The following KALRN variants were observed in gnomAD, a reference collection of about 807,000 sequenced individuals.
KALRN encodes kalirin RhoGEF kinase, also known as kalirin.
Under a neutral mutation model 353.7 loss-of-function variants are expected in KALRN, and 70 were observed. The ratio of observed to expected loss-of-function variants is 0.20; its 90% CI spans 0.16 to 0.24. The LOEUF is 0.24. Ranked by LOEUF, KALRN falls within the 10% of genes least tolerant of loss-of-function variation. KALRN has a pLI of 1.00. For missense variants in KALRN, 2,791 were observed against 3,756.7 expected (o/e 0.74, Z 6.72); for synonymous variants, 1,391 against 1,434.8 (o/e 0.97, Z 0.69).
At chr3:124,094,940 G>A (rs1424059021) in intron 1 of KALRN, 1 of 1,583,130 alleles carries the variant, frequency 6.3e-7, no homozygotes, top group South Asian at 1.1e-5. Context: ...ATGAGAGACT[G>A]AGAGAGATAA....
At chr3:124,409,976 G>A (rs1234880961) in intron 13 of KALRN, among the ~76,000 whole-genome samples, 1 of 152,100 alleles carries the variant, frequency 6.6e-6, no homozygotes, top group Non-Finnish European at 1.5e-5. Flanking sequence ...AGGAGGCCCT[G>A]GAAATTCCCA....
chr3:124,125,083 A>AC (rs1355515271), intron 1 of KALRN, among the ~76,000 whole-genome samples: 1 of 152,228 alleles, frequency 6.6e-6, no homozygotes, highest in Admixed American at 6.5e-5. Flanking sequence ...CTAGTTCAGA[A>AC]CCTGGAGTAT....
intron 33 of KALRN, among the ~76,000 whole-genome samples, chr3:124,558,295 TGAGAGG>T (rs2071530104): frequency 6.6e-5 from 10 of 152,236 alleles, no homozygotes; most frequent in Admixed American, 5.9e-4. Context: ...TTTTTTTCTT[TGAGAGG>T]GAGTCTCACT....
chr3:124,689,407 T>C (rs2061709184), intron 51 of KALRN, among the ~76,000 whole-genome samples: 1 of 152,126 alleles, frequency 6.6e-6, no homozygotes, highest in Non-Finnish European at 1.5e-5. Flanking sequence ...GGTCTCATTA[T>C]GTTGCCCAGG....
intron 22 of KALRN, 49 bp downstream of exon 22, chr3:124,455,408 G>A: frequency 6.5e-7 from 1 of 1,540,630 alleles, no homozygotes; most frequent in Non-Finnish European, 8.9e-7. Flanking sequence ...TCATCTCCCT[G>A]AGCACCACTG....
At chr3:124,235,330 C>T (rs2079625596) in intron 3 of KALRN, among the ~76,000 whole-genome samples, 1 of 151,952 alleles carries the variant, frequency 6.6e-6, no homozygotes. Flanking sequence ...CATACTCTAC[C>T]AAGGTACAGT....
At chr3:124,522,916 C>A (rs1386163254) in intron 33 of KALRN, among the ~76,000 whole-genome samples, 3 of 152,128 alleles carry the variant, frequency 2.0e-5, no homozygotes, top group Non-Finnish European at 4.4e-5. Context: ...GAAGCCACAG[C>A]CAAAGACCCC....
chr3:124,477,829 C>A (rs2061572393), intron 27 of KALRN, among the ~76,000 whole-genome samples: 1 of 151,058 alleles, frequency 6.6e-6, no homozygotes, highest in Admixed American at 6.6e-5. Context: ...ATTGATTCAA[C>A]CTTTTTTGGA....
intron 10 of KALRN, among the ~76,000 whole-genome samples, chr3:124,360,574 G>A (rs2083920444): frequency 6.6e-6 from 1 of 152,194 alleles, no homozygotes; most frequent in African/African-American, 2.4e-5. Context: ...TAAAGTTAAT[G>A]TCTCTCAGAG....
At chr3:124,406,576 G>T (rs1485491768) in intron 13 of KALRN, among the ~76,000 whole-genome samples, 2 of 152,130 alleles carry the variant, frequency 1.3e-5, no homozygotes, top group African/African-American at 4.8e-5. Flanking sequence ...ATGCCATTTT[G>T]CAATTGATAA....
intron 5 of KALRN, among the ~76,000 whole-genome samples, chr3:124,273,451 T>A (rs1204943919): frequency 3.3e-5 from 5 of 152,378 alleles, no homozygotes; most frequent in Non-Finnish European, 5.9e-5. Context: ...CACTTTTTTT[T>A]ATTTTTAAAA....
intron 14 of KALRN, among the ~76,000 whole-genome samples, chr3:124,421,592 AG>A (rs2092785205): frequency 6.6e-6 from 1 of 152,182 alleles, no homozygotes; most frequent in Non-Finnish European, 1.5e-5. Flanking sequence ...ATTTGCCCAA[AG>A]TCAGGATTCC....
chr3:124,056,544 C>T (rs527457350), intron 1 of KALRN, among the ~76,000 whole-genome samples: 1 of 152,190 alleles, frequency 6.6e-6, no homozygotes, highest in African/African-American at 2.4e-5. Context: ...CCTTTAATCT[C>T]TTGAAAGTCT....
chr3:124,699,346 G>A (rs538370722), intron 55 of KALRN, among the ~76,000 whole-genome samples: 3 of 152,174 alleles, frequency 2.0e-5, no homozygotes, highest in South Asian at 2.1e-4. Flanking sequence ...TAAGATTAGC[G>A]GTCTCTACCT....
At position 124,265,298 on chromosome 3, in the gene KALRN, CT is replaced by C. The variant is rs3054177; in HGVS notation, c.456+622del. 7.8e-3 allele frequency among the ~76,000 whole-genome samples: 571 copies of C among 73,030 alleles called. 73 individuals carry two copies. The highest frequency in any genetic ancestry group is 0.021 in the African/African-American group (384 of 18,682). 47.9% of individuals were successfully genotyped at this position (73,030 alleles called of 152,430 possible). ...CTAGTAACTAATTTAAGAAAATATT[CT>C]TTTTTTTTTTTTTGAGATAGAGTCT... On this transcript the variant is annotated intron_variant, in intron 4 of 59. Coordinates refer to ENST00000682506, the MANE Select transcript of KALRN (RefSeq NM_001388419.1).
At chr3:124,707,475 C>T (rs890835308) in intron 57 of KALRN, among the ~76,000 whole-genome samples, 5 of 139,642 alleles carry the variant, frequency 3.6e-5, no homozygotes, top group South Asian at 4.5e-4. Context: ...CCTTCCTTCC[C>T]TTCTTCCTTC....
intron 6 of KALRN, among the ~76,000 whole-genome samples, chr3:124,325,725 T>G (rs986346628): frequency 3.9e-5 from 6 of 152,216 alleles, no homozygotes; most frequent in Non-Finnish European, 8.8e-5. Context: ...GTAAAGTGAC[T>G]GCATTAAAGT....
At chr3:124,327,402 G>A (rs980528534) in intron 7 of KALRN, among the ~76,000 whole-genome samples, 1 of 152,144 alleles carries the variant, frequency 6.6e-6, no homozygotes, top group Non-Finnish European at 1.5e-5. Flanking sequence ...CAGCATGTGT[G>A]TCAGAACTAT....
chr3:124,174,433 T>TA, intron 1 of KALRN, among the ~76,000 whole-genome samples: 1 of 152,014 alleles, frequency 6.6e-6, no homozygotes, highest in Middle Eastern at 3.4e-3. Context: ...GACTCTGTCT[T>TA]AAAAAAAGGA....
Sources: allele counts gnomAD v4.1 joint callset (sites outside exome capture counted in the v4.1 genomes callset), GRCh38; gene constraint gnomAD v4.1.1; transcripts MANE v1.5; gene names NCBI Gene and HGNC (gene_info 2026-07-23, HGNC 2026-07-21).